Variants in POLI observed in about 807,000 individuals in gnomAD.
POLI encodes the protein RAD30 homolog B.
POLI carries 58 observed loss-of-function variants against 51.6 expected under a neutral mutation model. The ratio of observed to expected loss-of-function variants is 1.12; its 90% confidence interval spans 0.91 to 1.40. The LOEUF (loss-of-function observed/expected upper bound fraction) is 1.40. Among genes scored for constraint, POLI ranks in the 40% most tolerant of loss-of-function variants. POLI has a pLI of 0.00. For missense variants in POLI, 921 were observed against 871.3 expected (o/e 1.06, Z -0.72); for synonymous variants, 322 against 299.7 (o/e 1.07, Z -0.77).
chr18:54,302,205 ATGTC>A (rs543899158), downstream of POLI, among the ~76,000 whole-genome samples: 104 of 152,264 alleles, frequency 6.8e-4, 1 homozygote, highest in Admixed American at 3.9e-3. Flanking sequence ...TAGATTATGA[ATGTC>A]TGTCTGTCTG....
intron 2 of POLI, among the ~76,000 whole-genome samples, chr18:54,273,500 G>T (rs2144450608): frequency 6.6e-6 from 1 of 151,272 alleles, no homozygotes; most frequent in East Asian, 1.9e-4. Flanking sequence ...TATCACTGAA[G>T]ATTCCATAGA....
In POLI at chr18:54,280,915, A is replaced by G. The variant is rs374203240; in HGVS notation, c.796+12A>G. 19 of 1,399,208 alleles carry G rather than the reference A, an allele frequency of 1.4e-5. No homozygotes were observed. The highest frequency in any genetic ancestry group is 1.9e-5 in the Non-Finnish European group (19 of 987,086). The allele number at this position is 1,399,208 out of a possible 1,614,324, so 86.7% of individuals were successfully genotyped here. ...AAAGGAAATACCTGGTAAGACAAAT[A>G]TATTTGAAAAGTACATATACGTCTT... On this transcript the variant is annotated intron_variant, in intron 5 of 9. Coordinates refer to ENST00000579534, the MANE Select transcript of POLI (RefSeq NM_007195.3).
At chr18:54,311,168 A>G (rs1293817196) in intron 3 of POLI, 1 of 913,622 alleles carries the variant, frequency 1.1e-6, no homozygotes, top group African/African-American at 1.8e-5. Flanking sequence ...TGGAGAAGTT[A>G]CTGACAATTG....
chr18:54,270,144 T>G, intron 1 of POLI: 1 of 503,590 alleles, frequency 2.0e-6, no homozygotes, highest in Non-Finnish European at 2.6e-6. Context: ...GTCTTTACCT[T>G]GTACCGCCCA....
chr18:54,272,258 T>G (rs1213235919), intron 2 of POLI: 1 of 152,210 alleles, frequency 6.6e-6, no homozygotes, highest in Non-Finnish European at 1.5e-5. Context: ...TCTAGGATCT[T>G]AAAACTTTTC....
At chr18:54,290,657 G>A (rs1454116415) in intron 8 of POLI, among the ~76,000 whole-genome samples, 1 of 152,078 alleles carries the variant, frequency 6.6e-6, no homozygotes, top group East Asian at 1.9e-4. Context: ...CCATAAAAAA[G>A]GATGAGTTCA....
chr18:54,290,710 T>C (rs2087967679), intron 8 of POLI, among the ~76,000 whole-genome samples: 1 of 152,116 alleles, frequency 6.6e-6, no homozygotes, highest in Admixed American at 6.5e-5. Flanking sequence ...ACCATCATTC[T>C]CAGCAAACTA....
intron 8 of POLI, among the ~76,000 whole-genome samples, chr18:54,290,479 G>C (rs907337754): frequency 6.6e-6 from 1 of 152,136 alleles, no homozygotes; most frequent in Non-Finnish European, 1.5e-5. Context: ...CCATTACTGG[G>C]TATATACCCA....
chr18:54,316,227 A>ACT (rs2088732841), intron 3 of POLI, among the ~76,000 whole-genome samples: 1 of 152,032 alleles, frequency 6.6e-6, no homozygotes, highest in Admixed American at 6.6e-5. Context: ...TATGCCTTTT[A>ACT]AGTTGGACAT....
chr18:54,298,721 T>TG (rs769673778), downstream of POLI, among the ~76,000 whole-genome samples: 3 of 151,300 alleles, frequency 2.0e-5, no homozygotes, highest in Non-Finnish European at 2.9e-5. Flanking sequence ...CTCGAGTAGC[T>TG]GGGATTACAG....
intron 3 of POLI, among the ~76,000 whole-genome samples, chr18:54,275,440 A>G (rs1403222671): frequency 6.6e-6 from 1 of 152,240 alleles, no homozygotes. Flanking sequence ...CAAGAGAAAT[A>G]GCCAAATAAA....
At chr18:54,307,948 C>T (rs1478520399) in intron 3 of POLI, among the ~76,000 whole-genome samples, 1 of 151,192 alleles carries the variant, frequency 6.6e-6, no homozygotes, top group Non-Finnish European at 1.5e-5. Context: ...GATTTTCCTC[C>T]ATCCCTTTAT....
At position 54,293,933 on chromosome 18, in the gene POLI, T is replaced by A. The variant is rs749358981; in HGVS notation, c.1689T>A (p.His563Gln). Residue 563 changes from histidine (H) to glutamine (Q), a missense_variant, in exon 10 of 10, where the codon CAT (histidine) becomes CAA (glutamine). By Grantham distance (24) the His-to-Gln change is conservative. Coordinates refer to ENST00000579534, the MANE Select transcript of POLI (RefSeq NM_007195.3). ...AAGGAAGTGTGAGTTGTCCATTACA[T>A]GCCTCTAGAGGAGTATTATCTTTCT... ...QGKGSVSCPL[H>Q]ASRGVLSFFS... 6.2e-7 allele frequency: 1 copy of A among 1,612,812 alleles called. No homozygotes were observed. The highest frequency in any genetic ancestry group is 8.5e-7 in the Non-Finnish European group (1 of 1,179,026).
At chr18:54,270,716 CTG>C (rs1363023303) in intron 1 of POLI, 1 of 152,172 alleles carries the variant, frequency 6.6e-6, no homozygotes, top group Non-Finnish European at 1.5e-5. Flanking sequence ...GGAGTCGCCT[CTG>C]TCATTCCCTC....
chr18:54,297,279 G>C lies in POLI; in HGVS notation c.*2812G>C, dbSNP rs1265027948. The C allele has an allele frequency of 1.0e-6, 1 of 984,636 alleles. No individual in the cohort carries two copies. Among genetic ancestry groups the C allele is most frequent in the Non-Finnish European group, 1.2e-6 (1 of 829,768 alleles). 61.0% of individuals were successfully genotyped at this position (984,636 alleles called of 1,614,324 possible). A position where few individuals can be genotyped will look rare whatever the true frequency, so the allele number is the denominator to read the frequency against. ...TGCTTTCTTGCTTTTGTTTCAGCTC[G>C]AGTTTGTTGTTGTTTTTTTTTTTTC... On this transcript the variant is annotated 3_prime_UTR_variant, in exon 10 of 10. Coordinates refer to ENST00000579534, the MANE Select transcript of POLI (RefSeq NM_007195.3).
chr18:54,296,063 C>G lies in POLI; in HGVS notation c.*1596C>G. 1.0e-6 allele frequency: 1 copy of G among 984,944 alleles called. No homozygotes were observed. The highest frequency in any genetic ancestry group is 4.7e-5 in the South Asian group (1 of 21,262). The allele number at this position is 984,944 out of a possible 1,614,324, so 61.0% of individuals were successfully genotyped here. On this transcript the variant is annotated 3_prime_UTR_variant, in exon 10 of 10. Coordinates refer to ENST00000579534, the MANE Select transcript of POLI (RefSeq NM_007195.3). ...AGAACATCAGAAATTGTTCACCATGCAAATATTTAGTACTCTGAATCAAGG... is the reference window on the plus strand; with the variant it reads ...AGAACATCAGAAATTGTTCACCATGGAAATATTTAGTACTCTGAATCAAGG...
Position 54,284,025 on chromosome 18 carries a change from TC to T in POLI, c.1067+14del. On this transcript the variant is annotated intron_variant, in intron 7 of 9. Transcript: ENST00000579534. ...AGTCTTTTAAACAGGTGATTTTCAA[TC>T]CATTTTGCCAAGTCATCCTATGTAT... 1 of 1,156,574 alleles carries T rather than the reference TC, an allele frequency of 8.6e-7. No homozygotes were observed. Among genetic ancestry groups the T allele is most frequent in the Non-Finnish European group, 1.3e-6 (1 of 790,360 alleles). The allele number at this position is 1,156,574 out of a possible 1,614,324, so 71.6% of individuals were successfully genotyped here.
chr18:54,299,225 A>G (rs2088447524), downstream of POLI, among the ~76,000 whole-genome samples: 2 of 152,140 alleles, frequency 1.3e-5, no homozygotes, highest in South Asian at 4.1e-4. Flanking sequence ...GCCTAAGCTC[A>G]GGAGTTCGAG....
chr18:54,318,041 G>T (rs1043652472), intron 3 of POLI, among the ~76,000 whole-genome samples: 2 of 152,054 alleles, frequency 1.3e-5, no homozygotes, highest in African/African-American at 4.8e-5. Flanking sequence ...TTGAACCTGG[G>T]TGTTTTATAA....
Sources: gnomAD v4.1 joint callset for allele counts (sites outside exome capture counted in the v4.1 genomes callset) on GRCh38, gnomAD v4.1.1 for gene constraint, MANE v1.5 for transcripts, NCBI Gene and HGNC (gene_info 2026-07-23, HGNC 2026-07-21) for gene names.